KIAA1217: variants seen among roughly 807,000 people sequenced by gnomAD.
KIAA1217 encodes the protein KIAA1217, also known as sickle tail protein homolog.
KIAA1217 carries 88 observed loss-of-function variants against 163.9 expected under a neutral mutation model. That is an observed-to-expected ratio of 0.54 (90% CI 0.45 to 0.64). The LOEUF is 0.64. Among genes scored for constraint, KIAA1217 ranks in the 30% least tolerant of loss-of-function variants. The probability of loss-of-function intolerance (pLI) is 0.00; values close to 1 mark genes in which losing one functional copy is unlikely to be tolerated. For synonymous variants in KIAA1217, 903 were observed against 923.1 expected (o/e 0.98, Z 0.39); for missense variants, 2,372 against 2,475.0 (o/e 0.96, Z 0.88).
At chr10:24,253,972 A>G (rs1362683360) in intron 2 of KIAA1217, among the ~76,000 whole-genome samples, 1 of 152,158 alleles carries the variant, frequency 6.6e-6, no homozygotes, top group African/African-American at 2.4e-5. Context: ...ATCACAAAAA[A>G]AAGGATATAG....
chr10:24,347,290 A>T (rs2047911288), intron 2 of KIAA1217, among the ~76,000 whole-genome samples: 2 of 152,176 alleles, frequency 1.3e-5, no homozygotes, highest in African/African-American at 4.8e-5. Context: ...ATTCTGAAGG[A>T]TGCAGTGCGT....
At chr10:24,042,684 G>A (rs1848700483) in intron 2 of KIAA1217, among the ~76,000 whole-genome samples, 1 of 152,148 alleles carries the variant, frequency 6.6e-6, no homozygotes, top group South Asian at 2.1e-4. Context: ...GAAGATGGAG[G>A]TGATAGAACT....
chr10:24,224,824 C>CTTT (rs1286749568), intron 2 of KIAA1217, among the ~76,000 whole-genome samples: 11 of 121,026 alleles, frequency 9.1e-5, no homozygotes, highest in East Asian at 2.4e-4. Context: ...AATCATTTGA[C>CTTT]TTTTTTTTTT....
chr10:24,417,015 A>G (rs1425712103), intron 3 of KIAA1217, among the ~76,000 whole-genome samples: 1 of 152,102 alleles, frequency 6.6e-6, no homozygotes, highest in Non-Finnish European at 1.5e-5. Context: ...AGTCACAAGG[A>G]TTTAGGGAAG....
At chr10:24,064,751 G>T (rs1244883748) in intron 2 of KIAA1217, among the ~76,000 whole-genome samples, 1 of 152,132 alleles carries the variant, frequency 6.6e-6, no homozygotes, top group African/African-American at 2.4e-5. Context: ...GTAGAATTTG[G>T]CTGTGAATCC....
intron 2 of KIAA1217, among the ~76,000 whole-genome samples, chr10:24,009,644 A>T (rs1046410156): frequency 3.9e-5 from 6 of 152,262 alleles, no homozygotes; most frequent in East Asian, 3.9e-4. Context: ...CCCCACTTAC[A>T]CACAGGGAAA....
intron 2 of KIAA1217, among the ~76,000 whole-genome samples, chr10:24,299,657 C>T (rs1325446730): frequency 6.6e-6 from 1 of 152,168 alleles, no homozygotes; most frequent in Non-Finnish European, 1.5e-5. Context: ...ACCTTGGCCT[C>T]CCAAAGTACT....
rs1297929528 is a variant in KIAA1217, at chr10:24,244,651, GC to G, written c.354+24744del. 1.2e-4 allele frequency among the ~76,000 whole-genome samples: 17 copies of G among 140,916 alleles called. No individual in the cohort carries two copies. In the East Asian group the frequency reaches 3.7e-3, roughly 31 times the overall value. The allele number at this position is 140,916 out of a possible 152,430, so 92.4% of individuals were successfully genotyped here. A position where few individuals can be genotyped will look rare whatever the true frequency, so the allele number is the denominator to read the frequency against. On this transcript the variant is annotated intron_variant, in intron 2 of 20. Transcript: ENST00000376454. Reference sequence around the variant, plus strand: ...GAGATGTCCGCTTATTGCAACCTCCGCCTCCCGGATTCAAGTGATTCTCCTG... The same window carrying G: ...GAGATGTCCGCTTATTGCAACCTCCGCTCCCGGATTCAAGTGATTCTCCTG...
chr10:23,802,876 C>G (rs534149085), intron 1 of KIAA1217, among the ~76,000 whole-genome samples: 2 of 152,256 alleles, frequency 1.3e-5, no homozygotes, highest in Middle Eastern at 3.4e-3. Flanking sequence ...CCATATTGAG[C>G]TCACAGAGTT....
At chr10:23,726,075 T>C (rs1267209421) in intron 1 of KIAA1217, among the ~76,000 whole-genome samples, 1 of 152,192 alleles carries the variant, frequency 6.6e-6, no homozygotes, top group East Asian at 1.9e-4. Flanking sequence ...TTGCAACTTT[T>C]TTCTTCCTAC....
At chr10:24,218,340 G>C (rs2069106758) in intron 1 of KIAA1217, among the ~76,000 whole-genome samples, 1 of 151,962 alleles carries the variant, frequency 6.6e-6, no homozygotes, top group African/African-American at 2.4e-5. Context: ...AAACCAACTT[G>C]TCCCTTCAAA....
intron 1 of KIAA1217, among the ~76,000 whole-genome samples, chr10:23,941,350 G>A (rs1396689436): frequency 6.6e-6 from 1 of 152,192 alleles, no homozygotes; most frequent in Admixed American, 6.5e-5. Flanking sequence ...GTAATAGCAA[G>A]TATAACTCTT....
rs565366124 is a variant in KIAA1217, at chr10:24,199,309, T to TA, written c.-170-20316dup. On this transcript the variant is annotated intron_variant, in intron 2 of 18. Coordinates refer to the KIAA1217 transcript ENST00000376462. ...ATTTACTATACAGGATGTAAGAAAA[T>TA]ATGCAACTGTTTTATCAAACCCAGA... 2.4e-4 allele frequency among the ~76,000 whole-genome samples: 36 copies of TA among 152,284 alleles called. 2 individuals carry two copies. In the East Asian group the frequency reaches 6.9e-3, roughly 29 times the overall value.
Position 24,544,017 on chromosome 10 carries a change from G to T in KIAA1217, c.4747G>T (p.Ala1583Ser), listed in dbSNP as rs142794444. The change falls in exon 19 of 21, where the codon GCC (alanine) becomes TCC (serine). Residue 1583 changes from alanine to serine, a missense_variant. Physicochemically the swap from Ala to Ser is moderately conservative, Grantham distance 99. This residue lies in a region of KIAA1217 where 690 missense variants were observed against 677.5 expected (regional missense o/e 1.02). Transcript: ENST00000376454. ...ATTCAAATTCCCTAAGAAGCAACTCGCCGCTCTCACTCAAGCCATTCGCAC... is the reference window on the plus strand; with the variant it reads ...ATTCAAATTCCCTAAGAAGCAACTCTCCGCTCTCACTCAAGCCATTCGCAC... ...FKFKFPKKQL[A>S]ALTQAIRTGT... 1.9e-6 allele frequency: 3 copies of T among 1,614,000 alleles called. No homozygotes were observed. The highest frequency in any genetic ancestry group is 2.5e-6 in the Non-Finnish European group (3 of 1,180,042).
intron 8 of KIAA1217, among the ~76,000 whole-genome samples, chr10:24,495,589 C>T (rs1233060355): frequency 6.6e-6 from 1 of 152,166 alleles, no homozygotes; most frequent in Non-Finnish European, 1.5e-5. Flanking sequence ...CAAGGGCAGT[C>T]CCCAGACAAA....
At chr10:23,769,989 C>G (rs1194920216) in intron 1 of KIAA1217, among the ~76,000 whole-genome samples, 2 of 152,208 alleles carry the variant, frequency 1.3e-5, no homozygotes, top group African/African-American at 4.8e-5. Flanking sequence ...TAGGCATTTA[C>G]AAATTCAGGG....
At chr10:24,525,546 A>G (rs932088100) in intron 13 of KIAA1217, among the ~76,000 whole-genome samples, 4 of 152,210 alleles carry the variant, frequency 2.6e-5, no homozygotes, top group East Asian at 1.9e-4. Context: ...TTTAAATGGC[A>G]TCTTCTGGAA....
intron 1 of KIAA1217, among the ~76,000 whole-genome samples, chr10:23,918,524 G>A (rs1842715589): frequency 6.6e-6 from 1 of 152,030 alleles, no homozygotes. Context: ...GAGACCCCTT[G>A]GGAATGTCAC....
chr10:23,799,776 G>A (rs1836383698), intron 1 of KIAA1217, among the ~76,000 whole-genome samples: 1 of 152,132 alleles, frequency 6.6e-6, no homozygotes, highest in Admixed American at 6.5e-5. Context: ...AAACCTAGCA[G>A]CTGCCATTCT....
Sources: gnomAD v4.1 joint callset for allele counts (sites outside exome capture counted in the v4.1 genomes callset) on GRCh38, gnomAD v4.1.1 for gene constraint, gnomAD v4.1.1 regional missense constraint, MANE v1.5 for transcripts, NCBI Gene and HGNC (gene_info 2026-07-23, HGNC 2026-07-21) for gene names.